The following VPS13B variants were observed in gnomAD, a reference collection of about 807,000 sequenced individuals.
The protein encoded by VPS13B is vacuolar protein sorting 13 homolog B.
A neutral mutation model predicts 426.4 loss-of-function variants in VPS13B; 285 were observed. The observed-to-expected ratio is 0.67, with a 90% CI of 0.61 to 0.74. The LOEUF (loss-of-function observed/expected upper bound fraction) is 0.74, where lower values mean the gene tolerates loss of function less well. Among genes scored for constraint, VPS13B ranks in the 30% least tolerant of loss-of-function variants. The probability of loss-of-function intolerance (pLI) is 0.00; values close to 1 mark genes in which losing one functional copy is unlikely to be tolerated. For missense variants in VPS13B, 4,537 were observed against 4,782.6 expected (o/e 0.95, Z 1.51); for synonymous variants, 1,676 against 1,676.4 (o/e 1.00, Z 0.01).
At chr8:99,694,551 A>G (rs1831859318) in intron 35 of VPS13B, among the ~76,000 whole-genome samples, 2 of 82,934 alleles carry the variant, frequency 2.4e-5, no homozygotes, top group Non-Finnish European at 4.9e-5. Context: ...TCAATTCAAG[A>G]TGGATTAAAG....
intron 3 of VPS13B, among the ~76,000 whole-genome samples, chr8:99,067,747 TTTAC>T (rs1187343899): frequency 1.3e-5 from 2 of 152,210 alleles, no homozygotes; most frequent in Non-Finnish European, 2.9e-5. Context: ...CCTTTTAACC[TTTAC>T]TTCAATTCCT....
chr8:99,237,240 A>C lies in VPS13B; in HGVS notation c.2516-36958A>C, dbSNP rs529173644. 5.9e-5 allele frequency among the ~76,000 whole-genome samples: 9 copies of C among 152,334 alleles called. No individual in the cohort carries two copies. In the South Asian group the frequency reaches 1.7e-3, roughly 28 times the overall value. On this transcript the variant is annotated intron_variant, in intron 17 of 61. Transcript: ENST00000357162. ...CGAAAATGGACTAATACAACACCTT[A>C]ACTTTTGAAGTAAATGAGATACCTG...
chr8:99,543,030 C>G (rs1230343676), intron 30 of VPS13B, among the ~76,000 whole-genome samples: 1 of 152,136 alleles, frequency 6.6e-6, no homozygotes, highest in Non-Finnish European at 1.5e-5. Context: ...AAGAACAAAG[C>G]TGGAGGCATC....
intron 33 of VPS13B, among the ~76,000 whole-genome samples, chr8:99,608,530 C>T (rs1304762791): frequency 6.6e-6 from 1 of 152,124 alleles, no homozygotes; most frequent in Non-Finnish European, 1.5e-5. Flanking sequence ...AAATGTACAG[C>T]TGTATGACCT....
intron 20 of VPS13B, among the ~76,000 whole-genome samples, chr8:99,385,812 G>C (rs919357670): frequency 3.3e-5 from 5 of 152,154 alleles, no homozygotes; most frequent in African/African-American, 1.2e-4. Flanking sequence ...AGAGAAGGTT[G>C]TTTTAGACTG....
intron 54 of VPS13B, among the ~76,000 whole-genome samples, chr8:99,840,090 T>C (rs1041473783): frequency 2.6e-5 from 4 of 152,250 alleles, no homozygotes; most frequent in African/African-American, 9.6e-5. Context: ...GTGTGAACAC[T>C]CTAGTGTGTT....
chr8:99,350,917 A>C (rs192810820), intron 19 of VPS13B, among the ~76,000 whole-genome samples: 31 of 152,054 alleles, frequency 2.0e-4, no homozygotes, highest in African/African-American at 7.5e-4. Flanking sequence ...ATTTTGAGTT[A>C]CCTTGAAATT....
intron 37 of VPS13B, among the ~76,000 whole-genome samples, chr8:99,719,249 G>A (rs1418570193): frequency 6.6e-6 from 1 of 152,086 alleles, no homozygotes; most frequent in Non-Finnish European, 1.5e-5. Flanking sequence ...TTAAACCACA[G>A]CATTAATAAA....
At chr8:99,725,232 T>C (rs928221394) in intron 39 of VPS13B, among the ~76,000 whole-genome samples, 8 of 152,184 alleles carry the variant, frequency 5.3e-5, no homozygotes, top group Non-Finnish European at 1.0e-4. Flanking sequence ...AGATTGTATG[T>C]CTGTAAAGGA....
At chr8:99,038,074 T>C (rs1842825322) in intron 2 of VPS13B, among the ~76,000 whole-genome samples, 1 of 152,148 alleles carries the variant, frequency 6.6e-6, no homozygotes, top group African/African-American at 2.4e-5. Flanking sequence ...CTGAGTATTA[T>C]ATATTATTTC....
At chr8:99,297,511 A>G (rs1229999824) in intron 19 of VPS13B, among the ~76,000 whole-genome samples, 1 of 145,102 alleles carries the variant, frequency 6.9e-6, no homozygotes, top group Non-Finnish European at 1.5e-5. Context: ...ATTACTTCAT[A>G]TTGAGTAATA....
intron 23 of VPS13B, among the ~76,000 whole-genome samples, chr8:99,465,998 T>G (rs1328898280): frequency 6.6e-6 from 1 of 152,126 alleles, no homozygotes; most frequent in Non-Finnish European, 1.5e-5. Context: ...GAATGTATCT[T>G]CTGGTACCTA....
chr8:99,373,850 A>C (rs1199326989), intron 19 of VPS13B, among the ~76,000 whole-genome samples: 1 of 152,140 alleles, frequency 6.6e-6, no homozygotes, highest in African/African-American at 2.4e-5. Context: ...TCAAAAAAGT[A>C]ACAAAAGGAA....
intron 21 of VPS13B, among the ~76,000 whole-genome samples, chr8:99,427,743 A>G (rs1816807549): frequency 6.6e-6 from 1 of 151,850 alleles, no homozygotes; most frequent in Non-Finnish European, 1.5e-5. Context: ...TGCCATCCCC[A>G]TCAAGCTACC....
chr8:99,550,722 A>G (rs1824238098), intron 30 of VPS13B, among the ~76,000 whole-genome samples: 1 of 152,026 alleles, frequency 6.6e-6, no homozygotes, highest in South Asian at 2.1e-4. Flanking sequence ...CTTGAACTGC[A>G]TCCTACAATG....
intron 15 of VPS13B, among the ~76,000 whole-genome samples, chr8:99,158,004 G>A (rs901192540): frequency 1.3e-5 from 2 of 152,334 alleles, no homozygotes; most frequent in South Asian, 2.1e-4. Flanking sequence ...ATTAGAAGCT[G>A]GCAGAGGTTG....
intron 17 of VPS13B, among the ~76,000 whole-genome samples, chr8:99,225,700 C>T (rs914381691): frequency 6.6e-6 from 1 of 152,162 alleles, no homozygotes; most frequent in South Asian, 2.1e-4. Flanking sequence ...CTTTGTGTTA[C>T]CATGCTTTTG....
intron 27 of VPS13B, among the ~76,000 whole-genome samples, chr8:99,504,030 G>C (rs1821371247): frequency 1.3e-5 from 2 of 152,210 alleles, no homozygotes; most frequent in African/African-American, 4.8e-5. Flanking sequence ...GTGATCCCCA[G>C]TGTTGGAGGT....
chr8:99,703,907 C>T (rs934590324), intron 36 of VPS13B, among the ~76,000 whole-genome samples: 16 of 152,108 alleles, frequency 1.1e-4, no homozygotes, highest in African/African-American at 3.4e-4. Flanking sequence ...TGCTCTTTCT[C>T]GGGGCACTTA....
Sources: gnomAD v4.1 joint callset for allele counts (sites outside exome capture counted in the v4.1 genomes callset) on GRCh38, gnomAD v4.1.1 for gene constraint, MANE v1.5 for transcripts, NCBI Gene and HGNC (gene_info 2026-07-23, HGNC 2026-07-21) for gene names.